The following HRAS variants were observed in gnomAD, a reference collection of about 807,000 sequenced individuals.
HRAS encodes the protein GTPase HRas.
A neutral mutation model predicts 19.8 loss-of-function variants in HRAS; 11 were observed. The ratio of observed to expected loss-of-function variants is 0.55; its 90% CI spans 0.35 to 0.92. The LOEUF (loss-of-function observed/expected upper bound fraction) is 0.92, where lower values mean the gene tolerates loss of function less well. HRAS is among the 40% of genes least tolerant of loss of function. The pLI, the probability that HRAS is intolerant of heterozygous loss-of-function variation, is 0.01. For synonymous variants in HRAS, 149 were observed against 105.5 expected, an observed-to-expected ratio of 1.41 and a Z score of -2.52; for missense variants, 204 against 255.9, an observed-to-expected ratio of 0.80 and a Z score of 1.38.
chr11:534,832 G>A (rs765220479), intron 1 of HRAS, among the ~76,000 whole-genome samples: 3 of 152,220 alleles, frequency 2.0e-5, no homozygotes, highest in African/African-American at 2.4e-5. Flanking sequence ...AGCGCCTACT[G>A]CGTACTAGGC....
At position 532,408 on chromosome 11, in the gene HRAS, C is replaced by A; in HGVS notation, c.*120G>T. ...CTGCAGTCACCTCGGCCCACGGTCC[C>A]GGGGTGACTGGGCTCCAGCAGCCCT... On this transcript the variant is annotated 3_prime_UTR_variant, in exon 6 of 6. Coordinates refer to ENST00000311189, the MANE Select transcript of HRAS (RefSeq NM_005343.4). 1 of 643,714 alleles carries A rather than the reference C, an allele frequency of 1.6e-6. No individual in the cohort carries two copies. Among genetic ancestry groups the A allele is most frequent in the Non-Finnish European group, 2.7e-6 (1 of 371,658 alleles). 39.9% of individuals were successfully genotyped at this position (643,714 alleles called of 1,614,324 possible). A position where few individuals can be genotyped will look rare whatever the true frequency, so the allele number is the denominator to read the frequency against.
chr11:535,284 A>G (rs549849454), intron 1 of HRAS, 132 bp downstream of exon 1: 1 of 67,706 alleles, frequency 1.5e-5, no homozygotes, highest in African/African-American at 6.2e-5. Context: ...GCCCGGCCCC[A>G]CCCACCCGCC....
chr11:535,497 C>A lies in HRAS; in HGVS notation c.-135G>T. The A allele has an allele frequency of 1.4e-5, 2 of 147,770 alleles. No individual in the cohort carries two copies. Among genetic ancestry groups the A allele is most frequent in the South Asian group, 3.7e-4 (2 of 5,418 alleles). The allele number at this position is 147,770 out of a possible 1,614,324, so 9.2% of individuals were successfully genotyped here. A position where few individuals can be genotyped will look rare whatever the true frequency, so the allele number is the denominator to read the frequency against. ...CGGGGGCGGGGGCGCGCGGTTCGCC[C>A]CGCGCATGGGCTCCGTCCGCGGCGG... On this transcript the variant is annotated 5_prime_UTR_variant, in exon 1 of 6. Transcript: ENST00000311189.
chr11:532,532 G>A lies in HRAS; in HGVS notation c.*6-10C>T. The A allele has an allele frequency of 4.7e-6, 7 of 1,484,054 alleles. No homozygotes were observed. Among genetic ancestry groups the A allele is most frequent in the South Asian group, 1.2e-5 (1 of 83,446 alleles). The allele number at this position is 1,484,054 out of a possible 1,614,324, so 91.9% of individuals were successfully genotyped here. On this transcript the variant is annotated splice_polypyrimidine_tract_variant and intron_variant, in intron 5 of 5. Transcript: ENST00000311189. The stretch of plus-strand genomic sequence containing the variant: ...ATGTCCTGAGCTTGTGCTGGGCGGG[G>A]CACAAGGGAGGCTGCTGACCGCAGG...
In HRAS at chr11:534,389, C is replaced by T; in HGVS notation, c.-53-14G>A. 3 of 1,333,374 alleles carry T rather than the reference C, an allele frequency of 2.2e-6. No individual in the cohort carries two copies. Among genetic ancestry groups the T allele is most frequent in the Non-Finnish European group, 3.2e-6 (3 of 947,204 alleles). The allele number at this position is 1,333,374 out of a possible 1,614,324, so 82.6% of individuals were successfully genotyped here. A position where few individuals can be genotyped will look rare whatever the true frequency, so the allele number is the denominator to read the frequency against. On this transcript the variant is annotated splice_polypyrimidine_tract_variant and intron_variant, in intron 1 of 5. Coordinates refer to ENST00000311189, the MANE Select transcript of HRAS (RefSeq NM_005343.4). ...CTCCTGCCCCACCTGCCAAGGAGGG[C>T]CCTGCTCAGCCAGGCCCAGGCCCAG...
At chr11:534,590 G>C (rs1306046813) in intron 1 of HRAS, 4 of 564,922 alleles carry the variant, frequency 7.1e-6, no homozygotes, top group African/African-American at 1.9e-5. Flanking sequence ...CCCAGTGATG[G>C]GAAAAGGGAC....
In HRAS at chr11:534,345, C is replaced by G. The variant is rs377669809; in HGVS notation, c.-23G>C. 1.3e-6 allele frequency: 2 copies of G among 1,586,712 alleles called. No individual in the cohort carries two copies. Among genetic ancestry groups the G allele is most frequent in the Admixed American group, 1.7e-5 (1 of 59,748 alleles). ...CATCGCTCCTCAGGGGCCTGCGGCC[C>G]GGGGTCCTCCTACAGGGTCTCCTGC... is the stretch of plus-strand genomic sequence containing the variant. On this transcript the variant is annotated 5_prime_UTR_variant, in exon 2 of 6. Transcript: ENST00000311189.
rs1251006642 is a variant in HRAS, at chr11:534,342, G to GC, written c.-21dup. The GC allele has an allele frequency of 4.4e-6, 7 of 1,594,272 alleles. No individual in the cohort carries two copies. Among genetic ancestry groups the GC allele is most frequent in the Non-Finnish European group, 6.0e-6 (7 of 1,167,448 alleles). ...CGTCATCGCTCCTCAGGGGCCTGCG[G>GC]CCCGGGGTCCTCCTACAGGGTCTCC... On this transcript the variant is annotated 5_prime_UTR_variant, in exon 2 of 6. Transcript: ENST00000311189.
intron 4 of HRAS, 188 bp downstream of exon 4, chr11:533,265 C>A (rs1269830514): frequency 6.4e-7 from 1 of 1,573,766 alleles, no homozygotes; most frequent in African/African-American, 1.3e-5. Context: ...CCTGCCGTCC[C>A]GGGAGACTTA....
At chr11:533,048 G>A (rs764024317) in intron 4 of HRAS, among the ~76,000 whole-genome samples, 6 of 152,186 alleles carry the variant, frequency 3.9e-5, no homozygotes, top group East Asian at 1.9e-4. Flanking sequence ...ACTCAGCTAC[G>A]GCCCGTGTCC....
At chr11:534,499 A>G in intron 1 of HRAS, 124 bp from the exon 2 acceptor site, 1 of 617,448 alleles carries the variant, frequency 1.6e-6, no homozygotes, top group Non-Finnish European at 2.9e-6. Context: ...CCAGGCAGCA[A>G]GGACTGCAGC....
At chr11:535,308 C>CTG (rs1223400023) in intron 1 of HRAS, 108 bp downstream of exon 1, 2 of 146,296 alleles carry the variant, frequency 1.4e-5, no homozygotes, top group African/African-American at 4.9e-5. Context: ...GCCGCCGCCG[C>CTG]CGCCGCTTAC....
chr11:532,601 C>G (rs753270499), intron 5 of HRAS, 30 bp downstream of exon 5: 2 of 1,598,476 alleles, frequency 1.3e-6, no homozygotes, highest in Non-Finnish European at 1.7e-6. Context: ...ATCCGGTGGG[C>G]GTGGCGGCCG....
intron 1 of HRAS, chr11:534,591 G>A (rs1851340337): frequency 1.8e-6 from 1 of 563,198 alleles, no homozygotes; most frequent in African/African-American, 1.9e-5. Context: ...CCAGTGATGG[G>A]AAAAGGGACC....
In HRAS at chr11:533,793, T is replaced by C. The variant is rs1851272638; in HGVS notation, c.263A>G (p.Lys88Arg). The change falls in exon 3 of 6, where the codon AAG (lysine) becomes AGG (arginine). Residue 88 changes from lysine (K) to arginine (R), a missense_variant. Physicochemically the swap from Lys to Arg is conservative, Grantham distance 26 (BLOSUM62 2). This residue lies in a region of HRAS where 142 missense variants were observed against 141.1 expected (regional missense o/e 1.01). Coordinates refer to ENST00000311189, the MANE Select transcript of HRAS (RefSeq NM_005343.4). ...FLCVFAINNT[K>R]SFEDIHQYRE... ...GTACTGGTGGATGTCCTCAAAAGAC[T>C]TGGTGTTGTTGATGGCAAACACACA... is the stretch of plus-strand genomic sequence containing the variant. 1.2e-6 allele frequency: 2 copies of C among 1,613,358 alleles called. No individual in the cohort carries two copies. Among genetic ancestry groups the C allele is most frequent in the East Asian group, 4.5e-5 (2 of 44,872 alleles).
Position 532,294 on chromosome 11 carries a change from A to C in HRAS, c.*234T>G, listed in dbSNP as rs918924091. On this transcript the variant is annotated 3_prime_UTR_variant, in exon 6 of 6. Coordinates refer to ENST00000311189, the MANE Select transcript of HRAS (RefSeq NM_005343.4). ...TCCCATCTGTGCCCGACAAGGGCCC[A>C]CAGAGGCCTGGGAGGGGAGCTAAGG... is the stretch of plus-strand genomic sequence containing the variant. The C allele has an allele frequency of 4.2e-6, 2 of 477,820 alleles. No individual in the cohort carries two copies. Among genetic ancestry groups the C allele is most frequent in the African/African-American group, 3.8e-5 (2 of 52,026 alleles). The allele number at this position is 477,820 out of a possible 1,614,324, so 29.6% of individuals were successfully genotyped here.
At chr11:533,261 G>T in intron 4 of HRAS, 192 bp downstream of exon 4, 2 of 1,567,346 alleles carry the variant, frequency 1.3e-6, no homozygotes, top group Non-Finnish European at 1.7e-6. Flanking sequence ...CTGCCCTGCC[G>T]TCCCGGGAGA....
intron 2 of HRAS, 23 bp from the exon 3 acceptor site, chr11:533,967 G>A (rs758727504): frequency 6.2e-7 from 1 of 1,606,484 alleles, no homozygotes. Context: ...AGGGCTCAGG[G>A]ACCCCCTCAG....
At chr11:533,713 G>T (rs926729312) in intron 3 of HRAS, 53 bp downstream of exon 3, 61 of 1,610,174 alleles carry the variant, frequency 3.8e-5, no homozygotes, top group Non-Finnish European at 4.8e-5. Flanking sequence ...GACGCAGCCG[G>T]CCTGGCCCCA....
Sources: gnomAD v4.1 joint callset for allele counts (sites outside exome capture counted in the v4.1 genomes callset) on GRCh38, gnomAD v4.1.1 for gene constraint, gnomAD v4.1.1 regional missense constraint, MANE v1.5 for transcripts, NCBI Gene and HGNC (gene_info 2026-07-23, HGNC 2026-07-21) for gene names.